The following NFIB variants were observed in gnomAD, a reference collection of about 807,000 sequenced individuals.
NFIB encodes nuclear factor 1 B-type.
A neutral mutation model predicts 61.5 loss-of-function variants in NFIB; 11 were observed. The ratio of observed to expected loss-of-function variants is 0.18; its 90% CI spans 0.11 to 0.30. The LOEUF (loss-of-function observed/expected upper bound fraction) is 0.30, where lower values mean the gene tolerates loss of function less well. Among genes scored for constraint, NFIB ranks in the 10% least tolerant of loss-of-function variants. NFIB has a pLI of 1.00. For synonymous variants in NFIB, 260 were observed against 216.5 expected, an observed-to-expected ratio of 1.20 and a Z score of -1.76; for missense variants, 471 against 608.9, an observed-to-expected ratio of 0.77 and a Z score of 2.38.
the NFIB span, among the ~76,000 whole-genome samples, chr9:14,518,783 T>C: frequency 2.0e-5 from 3 of 152,062 alleles, no homozygotes; most frequent in Non-Finnish European, 2.9e-5. Context: ...GCATGAGAAG[T>C]AGAGATCTCT....
In NFIB at chr9:14,179,795, C is replaced by T. The variant is rs759417625; in HGVS notation, c.563-15G>A. On this transcript the variant is annotated splice_polypyrimidine_tract_variant and intron_variant, in intron 2 of 10. Coordinates refer to ENST00000380953, the MANE Select transcript of NFIB (RefSeq NM_001190737.2). ...TTGTCCAGAATCTGTAAAGAAATCA[C>T]AGAAAATGTTTTCTTTTTAATTTGT... 4.3e-6 allele frequency: 7 copies of T among 1,611,408 alleles called. No individual in the cohort carries two copies. The highest frequency in any genetic ancestry group is 1.3e-5 in the African/African-American group (1 of 74,770).
chr9:14,376,362 G>T (rs577765765), intron 1 of NFIB, among the ~76,000 whole-genome samples: 1 of 152,180 alleles, frequency 6.6e-6, no homozygotes, highest in South Asian at 2.1e-4. Context: ...AATGAAAAAA[G>T]GAAGAAATAG....
At chr9:14,367,697 C>G (rs559645866) in intron 1 of NFIB, among the ~76,000 whole-genome samples, 25 of 152,140 alleles carry the variant, frequency 1.6e-4, no homozygotes, top group African/African-American at 6.0e-4. Context: ...TACTATGCAG[C>G]CATAAAAAAG....
the NFIB span, among the ~76,000 whole-genome samples, chr9:14,472,997 G>A: frequency 1.3e-5 from 2 of 152,148 alleles, no homozygotes; most frequent in Admixed American, 6.5e-5. Context: ...ATTAAGTGAA[G>A]CATCTTAACA....
At position 14,113,098 on chromosome 9, in the gene NFIB, A is replaced by G; in HGVS notation, c.1385-17T>C. 6.5e-7 allele frequency: 1 copy of G among 1,546,630 alleles called. No homozygotes were observed. The highest frequency in any genetic ancestry group is 1.2e-5 in the South Asian group (1 of 83,496). The stretch of plus-strand genomic sequence containing the variant: ...CTGTGTAGGCTGATTAAGGAAGAAC[A>G]AAAACAAAGATAAAAATTGTGAACT... On this transcript the variant is annotated splice_polypyrimidine_tract_variant and intron_variant, in intron 9 of 10. Coordinates refer to ENST00000380953, the MANE Select transcript of NFIB (RefSeq NM_001190737.2).
chr9:14,254,010 T>C (rs2055940833), intron 2 of NFIB, among the ~76,000 whole-genome samples: 1 of 152,092 alleles, frequency 6.6e-6, no homozygotes, highest in Non-Finnish European at 1.5e-5. Flanking sequence ...GTTAAAAACA[T>C]AATTTCTCAG....
rs371002068 is a variant in NFIB, at chr9:14,311,810, C to T, written c.30+1672G>A. ...CTTTTACAGGTGAGAATAAGTGATG[C>T]TATACTCTGTAAGTGAAAATCTTGC... On this transcript the variant is annotated intron_variant, in intron 1 of 10. Transcript: ENST00000380953. Among the ~76,000 whole-genome samples, 66 of 152,208 alleles carry T rather than the reference C, an allele frequency of 4.3e-4. 1 individual carries two copies. In the East Asian group the frequency reaches 6.2e-3, roughly 14 times the overall value.
intron 10 of NFIB, chr9:14,096,265 T>C (rs2034770577): frequency 6.6e-6 from 1 of 152,138 alleles, no homozygotes; most frequent in African/African-American, 2.4e-5. Flanking sequence ...GGTTTACATT[T>C]GGGAATTTTC....
chr9:14,090,433 T>A (rs2033701316), intron 10 of NFIB, among the ~76,000 whole-genome samples: 1 of 152,102 alleles, frequency 6.6e-6, no homozygotes, highest in Non-Finnish European at 1.5e-5. Flanking sequence ...TACCCTCAAC[T>A]GTGTTTCCAC....
At chr9:14,300,530 C>A (rs1362509226) in intron 2 of NFIB, among the ~76,000 whole-genome samples, 1 of 152,152 alleles carries the variant, frequency 6.6e-6, no homozygotes, top group African/African-American at 2.4e-5. Flanking sequence ...CCAGGGATCG[C>A]CTTTGCCCAT....
chr9:14,437,764 G>A, the NFIB span, among the ~76,000 whole-genome samples: 1 of 152,228 alleles, frequency 6.6e-6, no homozygotes, highest in Non-Finnish European at 1.5e-5. Flanking sequence ...GCCAAGCTCT[G>A]TGTTCTCCTG....
chr9:14,350,142 C>T (rs1289080004), intron 1 of NFIB, among the ~76,000 whole-genome samples: 1 of 152,112 alleles, frequency 6.6e-6, no homozygotes, highest in Non-Finnish European at 1.5e-5. Flanking sequence ...AGCCTCGGTG[C>T]CTCTGTATTA....
intron 2 of NFIB, chr9:14,204,704 T>C (rs2049440079): frequency 1.6e-6 from 1 of 607,160 alleles, no homozygotes; most frequent in South Asian, 1.9e-5. Flanking sequence ...GAAAGCTCAG[T>C]TGGTGGTGAT....
intron 3 of NFIB, among the ~76,000 whole-genome samples, chr9:14,178,409 AC>A (rs2046396332): frequency 1.3e-5 from 2 of 152,228 alleles, no homozygotes; most frequent in South Asian, 4.1e-4. Context: ...ACTGGGAATT[AC>A]ATTTTAAATT....
chr9:14,311,917 C>T (rs1284860863), intron 1 of NFIB, among the ~76,000 whole-genome samples: 3 of 152,004 alleles, frequency 2.0e-5, no homozygotes, highest in Admixed American at 6.6e-5. Flanking sequence ...TATATCCAGC[C>T]GATGGGTAAT....
chr9:14,445,680 T>C, the NFIB span, among the ~76,000 whole-genome samples: 1 of 152,216 alleles, frequency 6.6e-6, no homozygotes, highest in Non-Finnish European at 1.5e-5. Flanking sequence ...TAGTCTAATT[T>C]GGTCATTATG....
intron 3 of NFIB, among the ~76,000 whole-genome samples, chr9:14,156,306 T>C (rs2043398777): frequency 6.6e-6 from 1 of 152,176 alleles, no homozygotes; most frequent in Admixed American, 6.5e-5. Context: ...CAAAGATCTC[T>C]TAAAGCCACC....
chr9:14,153,027 T>C (rs944974226), intron 4 of NFIB, among the ~76,000 whole-genome samples: 1 of 152,052 alleles, frequency 6.6e-6, no homozygotes, highest in African/African-American at 2.4e-5. Flanking sequence ...AAAAGAAGAT[T>C]TGAAACATTC....
At chr9:14,232,188 G>GA (rs1283739909) in intron 2 of NFIB, among the ~76,000 whole-genome samples, 1 of 152,126 alleles carries the variant, frequency 6.6e-6, no homozygotes, top group Non-Finnish European at 1.5e-5. Flanking sequence ...ATGTTAGGAA[G>GA]AAAAAAACGT....
Sources: allele counts gnomAD v4.1 joint callset (sites outside exome capture counted in the v4.1 genomes callset), GRCh38; gene constraint gnomAD v4.1.1; transcripts MANE v1.5; gene names NCBI Gene and HGNC (gene_info 2026-07-23, HGNC 2026-07-21).